The following PTPRD variants were observed in gnomAD, a reference collection of about 807,000 sequenced individuals.
PTPRD encodes receptor-type tyrosine-protein phosphatase delta.
PTPRD carries 34 observed loss-of-function variants against 214.5 expected under a neutral mutation model. The ratio of observed to expected loss-of-function variants is 0.16; its 90% confidence interval spans 0.12 to 0.21. The LOEUF (loss-of-function observed/expected upper bound fraction) is 0.21, where lower values mean the gene tolerates loss of function less well. Ranked by LOEUF, PTPRD falls within the 10% of genes least tolerant of loss-of-function variation. The pLI, the probability that PTPRD is intolerant of heterozygous loss-of-function variation, is 1.00. For missense variants in PTPRD, 2,545 were observed against 2,398.7 expected, an observed-to-expected ratio of 1.06 and a Z score of -1.27; for synonymous variants, 1,128 against 845.7, an observed-to-expected ratio of 1.33 and a Z score of -5.79.
chr9:8,544,730 C>G, intron 14 of PTPRD, among the ~76,000 whole-genome samples: 1 of 151,652 alleles, frequency 6.6e-6, no homozygotes. Context: ...GTCGGCCTCC[C>G]AAAGTGCTGG....
At chr9:9,792,573 A>C (rs1597972684) in intron 5 of PTPRD, among the ~76,000 whole-genome samples, 1 of 152,184 alleles carries the variant, frequency 6.6e-6, no homozygotes, top group African/African-American at 2.4e-5. Flanking sequence ...TTTATGTCTC[A>C]CACTGAAAAC....
intron 7 of PTPRD, among the ~76,000 whole-genome samples, chr9:9,595,741 TATG>T (rs1370430730): frequency 6.6e-6 from 1 of 151,584 alleles, no homozygotes; most frequent in African/African-American, 2.4e-5. Context: ...GAAGCTAAGC[TATG>T]ATGATGCAAA....
At chr9:10,518,535 ATTTT>A (rs370269291) in intron 2 of PTPRD, among the ~76,000 whole-genome samples, 3 of 145,872 alleles carry the variant, frequency 2.1e-5, no homozygotes, top group Admixed American at 6.9e-5. Flanking sequence ...ATCATTTACA[ATTTT>A]TTTTTTTTTT....
chr9:8,735,054 A>G (rs2089834094), intron 11 of PTPRD, among the ~76,000 whole-genome samples: 1 of 151,958 alleles, frequency 6.6e-6, no homozygotes, highest in Non-Finnish European at 1.5e-5. Flanking sequence ...TTCTTAGAAC[A>G]GATGCGTGAG....
At chr9:10,271,011 G>C (rs1051383381) in intron 3 of PTPRD, among the ~76,000 whole-genome samples, 8 of 152,040 alleles carry the variant, frequency 5.3e-5, no homozygotes, top group African/African-American at 1.9e-4. Flanking sequence ...AAAATGTAGA[G>C]ATAGGGTCTT....
intron 2 of PTPRD, among the ~76,000 whole-genome samples, chr9:10,389,292 T>C (rs2098002530): frequency 6.6e-6 from 1 of 151,880 alleles, no homozygotes; most frequent in Admixed American, 6.6e-5. Flanking sequence ...CACAATGAAA[T>C]GCTCCCAGTG....
At chr9:9,156,013 C>T (rs1482140870) in intron 10 of PTPRD, among the ~76,000 whole-genome samples, 1 of 152,130 alleles carries the variant, frequency 6.6e-6, no homozygotes, top group Non-Finnish European at 1.5e-5. Context: ...GCTATAACAG[C>T]TCCCCTACAA....
intron 12 of PTPRD, among the ~76,000 whole-genome samples, chr9:8,686,949 G>C (rs1242044558): frequency 2.0e-5 from 3 of 152,144 alleles, no homozygotes; most frequent in Admixed American, 6.5e-5. Flanking sequence ...TCTCTATGAA[G>C]CTAATGTGTA....
intron 2 of PTPRD, among the ~76,000 whole-genome samples, chr9:10,432,163 A>T (rs1290851844): frequency 6.6e-6 from 1 of 151,594 alleles, no homozygotes; most frequent in Non-Finnish European, 1.5e-5. Context: ...GGAAATCATC[A>T]TTCTCAGTAA....
chr9:9,098,773 A>G (rs1569541010), intron 10 of PTPRD, among the ~76,000 whole-genome samples: 2 of 152,220 alleles, frequency 1.3e-5, no homozygotes, highest in Admixed American at 6.5e-5. Context: ...TATATTTTGT[A>G]AAATTCATCA....
Position 8,329,016 on chromosome 9 carries a change from G to A in PTPRD, c.5534+2566C>T, listed in dbSNP as rs142195013. 2.6e-4 allele frequency among the ~76,000 whole-genome samples: 39 copies of A among 152,178 alleles called. No individual in the cohort carries two copies. The East Asian group carries it at 4.3e-3, about 17-fold the overall frequency. ...AGGAGTTTGTTATTACCCACGTTCT[G>A]AAGCTGACATCTGTCAATTTATCAA... On this transcript the variant is annotated intron_variant, in intron 44 of 45. Transcript: ENST00000381196.
chr9:9,106,248 T>C (rs987222216), intron 10 of PTPRD, among the ~76,000 whole-genome samples: 1 of 152,056 alleles, frequency 6.6e-6, no homozygotes, highest in South Asian at 2.1e-4. Context: ...CTCAGTCACA[T>C]CTGCAGTGGA....
chr9:9,447,978 A>AT (rs139642857), intron 8 of PTPRD, among the ~76,000 whole-genome samples: 171 of 152,118 alleles, frequency 1.1e-3, no homozygotes, highest in Middle Eastern at 3.4e-3. Context: ...ACTAGCTTTC[A>AT]TTTTTGGTGA....
At chr9:8,898,866 G>C (rs536862526) in intron 11 of PTPRD, among the ~76,000 whole-genome samples, 1 of 152,066 alleles carries the variant, frequency 6.6e-6, no homozygotes, top group Non-Finnish European at 1.5e-5. Flanking sequence ...TTTTTAACAA[G>C]ACATGTTTGT....
At chr9:9,982,654 A>G (rs2095583797) in intron 4 of PTPRD, among the ~76,000 whole-genome samples, 1 of 152,132 alleles carries the variant, frequency 6.6e-6, no homozygotes, top group Non-Finnish European at 1.5e-5. Flanking sequence ...AGGTTATGCA[A>G]GAATCCAGAA....
At chr9:9,321,201 C>G (rs1966290733) in intron 9 of PTPRD, among the ~76,000 whole-genome samples, 1 of 152,088 alleles carries the variant, frequency 6.6e-6, no homozygotes, top group Admixed American at 6.6e-5. Context: ...GTATGTGGTA[C>G]ATATACTATT....
intron 4 of PTPRD, among the ~76,000 whole-genome samples, chr9:10,011,466 C>T (rs934484116): frequency 8.6e-5 from 13 of 151,994 alleles, no homozygotes; most frequent in South Asian, 4.1e-4. Context: ...TTTTAGCTGT[C>T]GAATGCATAA....
At chr9:9,042,172 G>A (rs1024825916) in intron 10 of PTPRD, among the ~76,000 whole-genome samples, 4 of 152,076 alleles carry the variant, frequency 2.6e-5, no homozygotes, top group Non-Finnish European at 4.4e-5. Context: ...CTCTCTGACC[G>A]GTTGTCTCTG....
At chr9:10,189,775 A>G (rs966110529) in intron 3 of PTPRD, among the ~76,000 whole-genome samples, 1 of 152,192 alleles carries the variant, frequency 6.6e-6, no homozygotes, top group African/African-American at 2.4e-5. Context: ...GAGAAATCAA[A>G]ACATTCTTTC....
Sources: gnomAD v4.1 joint callset for allele counts (sites outside exome capture counted in the v4.1 genomes callset) on GRCh38, gnomAD v4.1.1 for gene constraint, MANE v1.5 for transcripts, NCBI Gene and HGNC (gene_info 2026-07-23, HGNC 2026-07-21) for gene names.